PLCB4: variants seen among roughly 807,000 people sequenced by gnomAD.
PLCB4 encodes the protein phospholipase C beta 4.
A neutral mutation model predicts 178.8 loss-of-function variants in PLCB4; 77 were observed. The observed-to-expected ratio is 0.43, with a 90% CI of 0.36 to 0.52. The LOEUF (loss-of-function observed/expected upper bound fraction) is 0.52, where lower values mean the gene tolerates loss of function less well. PLCB4 is among the 20% of genes least tolerant of loss of function. PLCB4 has a pLI of 0.00. For synonymous variants in PLCB4, 496 were observed against 490.8 expected (o/e 1.01, Z -0.14); for missense variants, 1,024 against 1,453.4 (o/e 0.70, Z 4.80).
chr20:9,126,245 G>A (rs758476119), intron 2 of PLCB4, among the ~76,000 whole-genome samples: 5 of 152,052 alleles, frequency 3.3e-5, no homozygotes, highest in Non-Finnish European at 7.4e-5. Context: ...TTTAAAAATT[G>A]CTATTTTAAG....
At chr20:9,306,050 G>A (rs774165920) in intron 3 of PLCB4, among the ~76,000 whole-genome samples, 12 of 152,092 alleles carry the variant, frequency 7.9e-5, no homozygotes, top group Non-Finnish European at 7.4e-5. Context: ...TTTCAGAAAC[G>A]TTCTTCTACT....
At chr20:9,235,000 T>C (rs774333505) in intron 3 of PLCB4, among the ~76,000 whole-genome samples, 1 of 152,108 alleles carries the variant, frequency 6.6e-6, no homozygotes, top group Non-Finnish European at 1.5e-5. Flanking sequence ...GTAACCATGT[T>C]TGGGGAATTA....
At position 9,406,358 on chromosome 20, in the gene PLCB4, G is replaced by T. The variant is rs145126395; in HGVS notation, c.1647+1010G>T. Among the ~76,000 whole-genome samples, 81 of 152,184 alleles carry T rather than the reference G, an allele frequency of 5.3e-4. No individual in the cohort carries two copies. In the Middle Eastern group the frequency reaches 0.01, roughly 19 times the overall value. On this transcript the variant is annotated intron_variant, in intron 21 of 39. Coordinates refer to ENST00000378473, the MANE Select transcript of PLCB4 (RefSeq NM_001377142.1). ...GTGGGGGAGCAGGAGGACACATTAA[G>T]AAAATGATAAAAACAAAAACAAAAC...
intron 3 of PLCB4, among the ~76,000 whole-genome samples, chr20:9,233,732 A>G (rs762902039): frequency 5.9e-5 from 9 of 152,300 alleles, no homozygotes; most frequent in East Asian, 1.9e-4. Flanking sequence ...AACAGTGGCC[A>G]GTGGGGAGCA....
chr20:9,248,023 A>C (rs1294783279), intron 3 of PLCB4, among the ~76,000 whole-genome samples: 2 of 152,182 alleles, frequency 1.3e-5, no homozygotes, highest in Admixed American at 1.3e-4. Context: ...AAGCAGAATC[A>C]ATGCATGTGT....
chr20:9,393,298 A>G (rs1333276560), intron 17 of PLCB4, among the ~76,000 whole-genome samples: 2 of 151,836 alleles, frequency 1.3e-5, no homozygotes, highest in African/African-American at 4.8e-5. Context: ...GGGAGCAGGA[A>G]CCCCTCCCCG....
intron 2 of PLCB4, among the ~76,000 whole-genome samples, chr20:9,107,350 T>C (rs2091404116): frequency 6.6e-6 from 1 of 152,172 alleles, no homozygotes; most frequent in South Asian, 2.1e-4. Flanking sequence ...TTTTAGCATA[T>C]TGTTACTGAT....
rs780825826 is a variant in PLCB4 at position 9,479,019 on chromosome 20, C to A, written c.*10C>A. On this transcript the variant is annotated 3_prime_UTR_variant, in exon 40 of 40. Coordinates refer to ENST00000378473, the MANE Select transcript of PLCB4 (RefSeq NM_001377142.1). ...CCAAAATGCAAACTGAAGCAGCAAA[C>A]CCACAAAGCATCAAAAGACTCACTC... The A allele has an allele frequency of 8.1e-6, 13 of 1,596,818 alleles. No homozygotes were observed. The highest frequency in any genetic ancestry group is 1.1e-5 in the Non-Finnish European group (13 of 1,165,080).
intron 28 of PLCB4, among the ~76,000 whole-genome samples, chr20:9,429,709 A>G (rs1291628621): frequency 1.3e-5 from 2 of 152,222 alleles, no homozygotes. Context: ...CACTCTTCGT[A>G]TCTACCTATC....
chr20:9,272,070 C>T (rs6056511), intron 3 of PLCB4, among the ~76,000 whole-genome samples: 4,252 of 151,488 alleles, frequency 0.028, 211 homozygotes, highest in African/African-American at 0.097. Flanking sequence ...CCCAGCTACT[C>T]GGGAGGCTGA....
At chr20:9,366,377 A>G (rs2035780509) in intron 9 of PLCB4, among the ~76,000 whole-genome samples, 1 of 147,078 alleles carries the variant, frequency 6.8e-6, no homozygotes. Flanking sequence ...AGCCTGGGTG[A>G]CAGAGTGAGA....
intron 14 of PLCB4, among the ~76,000 whole-genome samples, 200 bp from the exon 15 acceptor site, chr20:9,387,263 C>A (rs546089567): frequency 7.2e-5 from 11 of 152,284 alleles, no homozygotes; most frequent in Admixed American, 7.2e-4. Flanking sequence ...CTCACTCAGA[C>A]AATCCCCTTT....
intron 13 of PLCB4, 70 bp downstream of exon 13, chr20:9,380,232 T>A: frequency 1.3e-6 from 1 of 774,002 alleles, no homozygotes; most frequent in Non-Finnish European, 2.1e-6. Flanking sequence ...CCTTGGTTTA[T>A]TTAAAGGTAT....
intron 17 of PLCB4, among the ~76,000 whole-genome samples, chr20:9,391,514 A>G (rs1357910730): frequency 6.6e-6 from 1 of 152,212 alleles, no homozygotes; most frequent in Non-Finnish European, 1.5e-5. Flanking sequence ...CTACATGTAA[A>G]CACTTTATGA....
chr20:9,477,908 T>G (rs1476795106), intron 39 of PLCB4, among the ~76,000 whole-genome samples: 1 of 152,156 alleles, frequency 6.6e-6, no homozygotes, highest in East Asian at 1.9e-4. Flanking sequence ...TCCATTTAGT[T>G]GGAATATCTA....
intron 2 of PLCB4, among the ~76,000 whole-genome samples, chr20:9,135,009 A>G (rs1266761865): frequency 6.6e-6 from 1 of 152,112 alleles, no homozygotes; most frequent in Admixed American, 6.6e-5. Context: ...AGAAGATAAT[A>G]GCTTTCAAGG....
chr20:9,442,439 C>T lies in PLCB4; in HGVS notation c.2765-1542C>T, dbSNP rs186685573. Reference sequence around the variant, plus strand: ...CAACATTTTTACAAATTGTGTCTTTCCCCCAAAACACAAAACCAGGTAGTT... The same window carrying T: ...CAACATTTTTACAAATTGTGTCTTTTCCCCAAAACACAAAACCAGGTAGTT... On this transcript the variant is annotated intron_variant, in intron 30 of 39. Transcript: ENST00000378473. 2.8e-3 allele frequency among the ~76,000 whole-genome samples: 429 copies of T among 151,768 alleles called. 4 individuals are homozygous for T. Among genetic ancestry groups the T allele is most frequent in the Non-Finnish European group, 4.9e-3 (330 of 67,928 alleles).
intron 32 of PLCB4, among the ~76,000 whole-genome samples, chr20:9,448,195 T>C (rs1309830725): frequency 6.6e-6 from 1 of 152,144 alleles, no homozygotes; most frequent in Non-Finnish European, 1.5e-5. Context: ...TTATCAAGCC[T>C]CCTTAAAGAA....
chr20:9,108,883 G>C (rs1297830777), intron 2 of PLCB4, among the ~76,000 whole-genome samples: 1 of 140,374 alleles, frequency 7.1e-6, no homozygotes, highest in African/African-American at 2.8e-5. Context: ...ATGAGAGAGA[G>C]AGGAAGAGAG....
Sources: allele counts gnomAD v4.1 joint callset (sites outside exome capture counted in the v4.1 genomes callset), GRCh38; gene constraint gnomAD v4.1.1; transcripts MANE v1.5; gene names NCBI Gene and HGNC (gene_info 2026-07-23, HGNC 2026-07-21).